The following UNC80 variants were observed in gnomAD, a reference collection of about 807,000 sequenced individuals.
UNC80 encodes the protein unc-80 subunit of NALCN channel complex.
In UNC80, 164 loss-of-function variants were observed where a neutral mutation model predicts 384.6. The ratio of observed to expected loss-of-function variants is 0.43; its 90% CI spans 0.38 to 0.49. The LOEUF (loss-of-function observed/expected upper bound fraction) is 0.49. Among genes scored for constraint, UNC80 ranks in the 20% least tolerant of loss-of-function variants. UNC80 has a pLI of 0.00. For missense variants in UNC80, 3,330 were observed against 4,143.0 expected (o/e 0.80, Z 5.39); for synonymous variants, 1,486 against 1,527.8 (o/e 0.97, Z 0.64).
intron 51 of UNC80, among the ~76,000 whole-genome samples, chr2:209,964,248 G>C (rs1033153827): frequency 1.6e-4 from 23 of 139,854 alleles, no homozygotes; most frequent in Admixed American, 5.6e-4. Context: ...GATCTGTGCA[G>C]TGACTAAGAA....
chr2:209,964,016 T>G (rs2092673326), intron 51 of UNC80, among the ~76,000 whole-genome samples: 1 of 152,162 alleles, frequency 6.6e-6, no homozygotes, highest in Non-Finnish European at 1.5e-5. Context: ...TGTAGAACAA[T>G]CTAAATAATC....
At chr2:209,924,154 A>G (rs1384713041) in intron 35 of UNC80, among the ~76,000 whole-genome samples, 6 of 152,152 alleles carry the variant, frequency 3.9e-5, no homozygotes. Context: ...TATATGGGCA[A>G]TATTTTCCGG....
intron 33 of UNC80, among the ~76,000 whole-genome samples, chr2:209,921,056 C>G (rs890240754): frequency 6.6e-6 from 1 of 151,986 alleles, no homozygotes; most frequent in African/African-American, 2.4e-5. Context: ...TCGAACTCCT[C>G]ACCTCAAGTG....
At chr2:209,907,200 C>T (rs1331675443) in intron 29 of UNC80, among the ~76,000 whole-genome samples, 2 of 151,570 alleles carry the variant, frequency 1.3e-5, no homozygotes, top group African/African-American at 2.4e-5. Context: ...ATCCATCCAT[C>T]CAGCCAGCCA....
At chr2:209,856,860 TCA>T (rs987388493) in intron 22 of UNC80, among the ~76,000 whole-genome samples, 3 of 152,092 alleles carry the variant, frequency 2.0e-5, no homozygotes, top group Admixed American at 2.0e-4. Context: ...TGATCTCAGC[TCA>T]CTGCAACCTC....
At chr2:209,889,703 C>T (rs2086151394) in intron 26 of UNC80, among the ~76,000 whole-genome samples, 1 of 152,144 alleles carries the variant, frequency 6.6e-6, no homozygotes, top group African/African-American at 2.4e-5. Context: ...TCATGTTTCT[C>T]ATTGCTCAAC....
At chr2:209,969,157 G>A (rs2092813620) in intron 52 of UNC80, 1 of 152,146 alleles carries the variant, frequency 6.6e-6, no homozygotes, top group African/African-American at 2.4e-5. Context: ...TTATGAAATG[G>A]ATTGACTTTT....
chr2:209,849,447 A>G lies in UNC80; in HGVS notation c.3455-4A>G, dbSNP rs776046388. On this transcript the variant is annotated splice_region_variant and splice_polypyrimidine_tract_variant and intron_variant, in intron 21 of 64. Transcript: ENST00000673920. The stretch of plus-strand genomic sequence containing the variant: ...ATTCCTCCACCATGGCACCACCTTT[A>G]CAGGTTGCCACAGTTTTGATGATCA... 6.4e-7 allele frequency: 1 copy of G among 1,550,742 alleles called. No individual in the cohort carries two copies. The highest frequency in any genetic ancestry group is 1.2e-5 in the South Asian group (1 of 84,032).
At position 209,776,415 on chromosome 2, in the gene UNC80, C is replaced by T. The variant is rs186569892; in HGVS notation, c.298+370C>T. 1.2e-4 allele frequency among the ~76,000 whole-genome samples: 18 copies of T among 152,212 alleles called. No individual in the cohort carries two copies. In the East Asian group the frequency reaches 3.5e-3, roughly 29 times the overall value. ...TAGCCAACATGGTGAAACCCCGTTT[C>T]TACTAAAAATACAAAATTACCTGAG... On this transcript the variant is annotated intron_variant, in intron 3 of 64. Coordinates refer to ENST00000673920, the MANE Select transcript of UNC80 (RefSeq NM_001371986.1).
intron 38 of UNC80, among the ~76,000 whole-genome samples, chr2:209,933,020 G>A (rs2090998547): frequency 6.6e-6 from 1 of 151,780 alleles, no homozygotes; most frequent in African/African-American, 2.4e-5. Flanking sequence ...AATTTTTGAA[G>A]AAACAATGGT....
chr2:209,868,460 A>G (rs1362086738), intron 22 of UNC80, among the ~76,000 whole-genome samples: 1 of 152,232 alleles, frequency 6.6e-6, no homozygotes, highest in Non-Finnish European at 1.5e-5. Context: ...CATTGCAATT[A>G]TAAGCTTCAA....
In UNC80 at chr2:209,999,111, A is replaced by T. The variant is rs1473423287; in HGVS notation, c.*3516A>T. 6.6e-6 allele frequency: 1 copy of T among 152,220 alleles called. No individual in the cohort carries two copies. The allele number at this position is 152,220 out of a possible 1,614,324, so 9.4% of individuals were successfully genotyped here. A position where few individuals can be genotyped will look rare whatever the true frequency, so the allele number is the denominator to read the frequency against. On this transcript the variant is annotated 3_prime_UTR_variant, in exon 65 of 65. Transcript: ENST00000673920. ...GCCATTTTATAGGTTAAAACAAAAA[A>T]TTGACTACACAGCCGACTTCCCTCA...
Position 209,776,026 on chromosome 2 carries a change from T to G in UNC80, c.279T>G (p.Leu93=). The G allele has an allele frequency of 6.2e-7, 1 of 1,614,092 alleles. No individual in the cohort carries two copies. The highest frequency in any genetic ancestry group is 8.5e-7 in the Non-Finnish European group (1 of 1,179,974). The change falls in exon 3 of 65, where the codon CTT becomes CTG. Residue 93 remains leucine, a synonymous_variant. Coordinates refer to ENST00000673920, the MANE Select transcript of UNC80 (RefSeq NM_001371986.1). Reference sequence around the variant, plus strand: ...TCCTCCACTGCACTGCAACCCTGCTTTCAAACCGAAACAAGCTAGGTTGGT... The same window carrying G: ...TCCTCCACTGCACTGCAACCCTGCTGTCAAACCGAAACAAGCTAGGTTGGT... ...PHVLHCTATL[L]SNRNKLGHQD...
rs1407433820 is a variant in UNC80 at position 209,941,398 on chromosome 2, A to T, written c.6824A>T (p.Gln2275Leu). Residue 2275 changes from glutamine (Q) to leucine (L), a missense_variant, in exon 44 of 65, where the codon CAG (glutamine) becomes CTG (leucine). By Grantham distance (113) the Gln-to-Leu change is moderately radical (BLOSUM62 -2). This residue lies in a region of UNC80 where 1,049 missense variants were observed against 1,488.6 expected (regional missense o/e 0.70). Coordinates refer to ENST00000673920, the MANE Select transcript of UNC80 (RefSeq NM_001371986.1). Reference sequence around the variant, plus strand: ...CCGGAAGACAGTGCCCTGCTCAGGCAGTATGCTGCCACCGTCATCAACACC... The same window carrying T: ...CCGGAAGACAGTGCCCTGCTCAGGCTGTATGCTGCCACCGTCATCAACACC... ...LHPEDSALLRQYAATVINTAV... is the reference protein window; with the variant it reads ...LHPEDSALLRLYAATVINTAV... 17 of 1,551,004 alleles carry T rather than the reference A, an allele frequency of 1.1e-5. No homozygotes were observed. Among genetic ancestry groups the T allele is most frequent in the Non-Finnish European group, 1.5e-5 (17 of 1,146,568 alleles).
At chr2:209,819,801 A>G (rs2080011998) in intron 12 of UNC80, among the ~76,000 whole-genome samples, 1 of 152,224 alleles carries the variant, frequency 6.6e-6, no homozygotes. Flanking sequence ...ATAATTTACA[A>G]TATTAAAACC....
intron 18 of UNC80, 74 bp downstream of exon 18, chr2:209,835,084 C>T: frequency 8.2e-7 from 1 of 1,215,778 alleles, no homozygotes; most frequent in Non-Finnish European, 1.2e-6. Context: ...ATTTTCCAAA[C>T]TGCTATTTGT....
intron 49 of UNC80, 26 bp downstream of exon 49, chr2:209,957,762 A>T: frequency 6.5e-7 from 1 of 1,547,040 alleles, no homozygotes; most frequent in African/African-American, 1.4e-5. Flanking sequence ...TTATTCTTCT[A>T]TGGTCTCTCA....
At position 209,820,390 on chromosome 2, in the gene UNC80, A is replaced by G; in HGVS notation, c.2042A>G (p.Glu681Gly). ...TGTGACGTGGCGCTAAACATTGTGG[A>G]ATGCTTGCTTCAACTTGGTGTGGTG... ...RICDVALNIV[E>G]CLLQLGVVPC... The change falls in exon 13 of 65, where the codon GAA (glutamate) becomes GGA (glycine). Residue 681 changes from glutamate to glycine, a missense_variant. Physicochemically the swap from Glu to Gly is moderately conservative, Grantham distance 98. Around this residue, in one of 8 missense-constraint regions of UNC80, gnomAD observed 937 missense variants for 1,026.8 expected, o/e 0.91. Coordinates refer to ENST00000673920, the MANE Select transcript of UNC80 (RefSeq NM_001371986.1). 1.3e-6 allele frequency: 2 copies of G among 1,551,980 alleles called. No individual in the cohort carries two copies. The highest frequency in any genetic ancestry group is 1.7e-6 in the Non-Finnish European group (2 of 1,147,038).
chr2:209,803,592 T>A (rs2078695369), intron 7 of UNC80, among the ~76,000 whole-genome samples: 1 of 152,208 alleles, frequency 6.6e-6, no homozygotes, highest in Non-Finnish European at 1.5e-5. Flanking sequence ...TTGGCCTAGA[T>A]ATTCTAGTCA....
Sources: gnomAD v4.1 joint callset for allele counts (sites outside exome capture counted in the v4.1 genomes callset) on GRCh38, gnomAD v4.1.1 for gene constraint, gnomAD v4.1.1 regional missense constraint, MANE v1.5 for transcripts, NCBI Gene and HGNC (gene_info 2026-07-23, HGNC 2026-07-21) for gene names.